The following MCC variants were observed in gnomAD, a reference collection of about 807,000 sequenced individuals.
MCC encodes MCC regulator of Wnt signaling pathway, also known as colorectal mutant cancer protein.
A neutral mutation model predicts 116.2 loss-of-function variants in MCC; 90 were observed. The observed-to-expected ratio is 0.77, with a 90% CI of 0.65 to 0.92. MCC has a LOEUF of 0.92. MCC is among the 40% of genes least tolerant of loss of function. MCC has a pLI of 0.00. For missense variants in MCC, 1,516 were observed against 1,312.2 expected (o/e 1.16, Z -2.40); for synonymous variants, 578 against 510.5 (o/e 1.13, Z -1.78).
rs1224019309 is a variant in MCC at position 113,104,210 on chromosome 5, G to T, written c.1173C>A (p.His391Gln). 4 of 1,613,128 alleles carry T rather than the reference G, an allele frequency of 2.5e-6. No individual in the cohort carries two copies. Among genetic ancestry groups the T allele is most frequent in the Non-Finnish European group, 3.4e-6 (4 of 1,179,394 alleles). ...GGTCTACCTTAATAGCCAGGTCACA[G>T]TGCTCGCTGGCTGTGGTGAGCTGCT... The part of the protein sequence containing the change: ...HIEQLTTASE[H>Q]CDLAIKTVEE... The change falls in exon 7 of 19, where the codon CAC becomes CAA. Residue 391 changes from histidine to glutamine, a missense_variant. Transcript: ENST00000408903.
intron 3 of MCC, among the ~76,000 whole-genome samples, chr5:113,262,583 ATAGG>A (rs1428250887): frequency 6.6e-6 from 1 of 152,170 alleles, no homozygotes; most frequent in Non-Finnish European, 1.5e-5. Flanking sequence ...CATGACCTTA[ATAGG>A]TAGAGAGGGT....
chr5:113,090,630 G>A (rs2042428583), intron 8 of MCC, among the ~76,000 whole-genome samples: 1 of 152,216 alleles, frequency 6.6e-6, no homozygotes, highest in South Asian at 2.1e-4. Context: ...TGTATACAAA[G>A]AGAGGCAGCC....
chr5:113,101,681 GC>G, intron 8 of MCC, 57 bp downstream of exon 8: 3 of 1,573,022 alleles, frequency 1.9e-6, no homozygotes, highest in Non-Finnish European at 2.6e-6. Flanking sequence ...CTATACACCA[GC>G]CTCTCTCAGC....
At position 113,294,009 on chromosome 5, in the gene MCC, TA is replaced by T. The variant is rs1413916813; in HGVS notation, c.627+46509del. On this transcript the variant is annotated intron_variant, in intron 3 of 18. Coordinates refer to ENST00000408903, the MANE Select transcript of MCC (RefSeq NM_001085377.2). ...CCGATCAGGGAAATAAAAGGGTGTA[TA>T]TAAATTAGTGGAAGCGGGTGGGAAG... Among the ~76,000 whole-genome samples, 5 of 152,258 alleles carry T rather than the reference TA, an allele frequency of 3.3e-5. No homozygotes were observed. In the East Asian group the frequency reaches 9.6e-4, roughly 29 times the overall value.
chr5:113,367,862 A>T (rs1175231449), intron 2 of MCC, among the ~76,000 whole-genome samples: 2 of 152,122 alleles, frequency 1.3e-5, no homozygotes, highest in Non-Finnish European at 2.9e-5. Flanking sequence ...CAAGACTATA[A>T]ATCAATTGTC....
At chr5:113,108,226 TG>T (rs1394755356) in intron 6 of MCC, among the ~76,000 whole-genome samples, 1 of 146,664 alleles carries the variant, frequency 6.8e-6, no homozygotes, top group Admixed American at 7.1e-5. Flanking sequence ...ACACCTGTAA[TG>T]GAGGCTGAGG....
Position 113,388,892 on chromosome 5 carries a change from C to T in MCC, c.171-3680G>A, listed in dbSNP as rs546607255. 1.2e-4 allele frequency among the ~76,000 whole-genome samples: 19 copies of T among 152,270 alleles called. No homozygotes were observed. The East Asian group carries it at 1.9e-3, about 15-fold the overall frequency. On this transcript the variant is annotated intron_variant, in intron 1 of 18. Coordinates refer to ENST00000408903, the MANE Select transcript of MCC (RefSeq NM_001085377.2). The stretch of plus-strand genomic sequence containing the variant: ...ACCAAATCGGTCTGATTCTAGAGCT[C>T]TTGCCCTTTCCATGCTATCATCTAG...
chr5:113,101,468 A>C (rs769275093), intron 8 of MCC: 10 of 450,692 alleles, frequency 2.2e-5, no homozygotes, highest in African/African-American at 1.8e-4. Context: ...CTTACCCTGG[A>C]AAGTTTAGAA....
chr5:113,451,606 T>C (rs1275426107), intron 1 of MCC, among the ~76,000 whole-genome samples: 1 of 152,200 alleles, frequency 6.6e-6, no homozygotes, highest in African/African-American at 2.4e-5. Context: ...TGGTGGCGCA[T>C]GCCTGTAATC....
chr5:113,255,259 CGAG>C, intron 3 of MCC, among the ~76,000 whole-genome samples: 1 of 152,266 alleles, frequency 6.6e-6, no homozygotes, highest in Non-Finnish European at 1.5e-5. Context: ...CCAAAGTCCT[CGAG>C]GAGGTTTCCT....
chr5:113,337,271 C>A (rs1302159612), intron 3 of MCC, among the ~76,000 whole-genome samples: 1 of 152,180 alleles, frequency 6.6e-6, no homozygotes, highest in African/African-American at 2.4e-5. Context: ...CCCAGTGAAT[C>A]CCTCTGGCAC....
At chr5:113,364,238 G>GAAAAAAAA (rs60976854) in intron 2 of MCC, among the ~76,000 whole-genome samples, 14 of 49,418 alleles carry the variant, frequency 2.8e-4, no homozygotes, top group African/African-American at 3.7e-4. Context: ...CTCAAAAACA[G>GAAAAAAAA]AAAAAAAAAA....
intron 3 of MCC, among the ~76,000 whole-genome samples, chr5:113,259,347 T>C (rs1765137099): frequency 1.3e-5 from 2 of 152,134 alleles, no homozygotes; most frequent in African/African-American, 2.4e-5. Context: ...ATACCAATTA[T>C]TATTCAGAGA....
At chr5:113,410,388 T>G (rs892338867) in intron 1 of MCC, among the ~76,000 whole-genome samples, 3 of 152,202 alleles carry the variant, frequency 2.0e-5, no homozygotes, top group Admixed American at 1.3e-4. Flanking sequence ...ACTTCCATCA[T>G]GTATTTCTTA....
At chr5:113,343,896 A>G (rs777144907) in intron 2 of MCC, among the ~76,000 whole-genome samples, 36 of 152,240 alleles carry the variant, frequency 2.4e-4, no homozygotes, top group Non-Finnish European at 3.7e-4. Context: ...GCCTCCACCA[A>G]TCATGCCCCT....
chr5:113,458,620 A>C (rs1032226095), intron 1 of MCC, among the ~76,000 whole-genome samples: 2 of 152,228 alleles, frequency 1.3e-5, no homozygotes, highest in Non-Finnish European at 2.9e-5. Context: ...TAAAAGCACA[A>C]TGGATAAAAA....
chr5:113,306,977 T>A (rs757259629), intron 3 of MCC, among the ~76,000 whole-genome samples: 2 of 152,218 alleles, frequency 1.3e-5, no homozygotes, highest in Non-Finnish European at 2.9e-5. Context: ...ATATAAAGAT[T>A]TATTTCTGGA....
intron 6 of MCC, among the ~76,000 whole-genome samples, chr5:113,109,642 GT>G (rs1264953263): frequency 1.3e-5 from 2 of 152,158 alleles, no homozygotes; most frequent in Non-Finnish European, 2.9e-5. Context: ...TAAATTTCAT[GT>G]TTGTTACCAC....
intron 3 of MCC, among the ~76,000 whole-genome samples, chr5:113,165,107 C>A (rs1760699661): frequency 6.6e-6 from 1 of 152,226 alleles, no homozygotes; most frequent in South Asian, 2.1e-4. Context: ...TTTTGCAATC[C>A]CTTTGCCAAA....
Sources: gnomAD v4.1 joint callset for allele counts (sites outside exome capture counted in the v4.1 genomes callset) on GRCh38, gnomAD v4.1.1 for gene constraint, MANE v1.5 for transcripts, NCBI Gene and HGNC (gene_info 2026-07-23, HGNC 2026-07-21) for gene names.